Variants in GRM4 observed in about 807,000 individuals in gnomAD.
The protein encoded by GRM4 is metabotropic glutamate receptor 4.
A neutral mutation model predicts 81.7 loss-of-function variants in GRM4; 28 were observed. The observed-to-expected ratio is 0.34, with a 90% CI of 0.25 to 0.47. The LOEUF (loss-of-function observed/expected upper bound fraction) is 0.47. Ranked by LOEUF, GRM4 falls within the 20% of genes least tolerant of loss-of-function variation. The probability of loss-of-function intolerance (pLI) is 1.00; values close to 1 mark genes in which losing one functional copy is unlikely to be tolerated. For synonymous variants in GRM4, 488 were observed against 528.8 expected (o/e 0.92, Z 1.06); for missense variants, 948 against 1,290.0 (o/e 0.73, Z 4.06).
rs2260612 is a variant in GRM4 at position 34,074,781 on chromosome 6, G to A, written c.737-12753C>T. ...GGAAAAATAATAGAAAAGGGAAGCC[G>A]TGGTGTTTGGAGGCAGATGGTGGCA... On this transcript the variant is annotated intron_variant, in intron 3 of 10. Coordinates refer to ENST00000538487, the MANE Select transcript of GRM4 (RefSeq NM_000841.4). This position sits in a 1 kb window ranked among gnomAD's most constrained non-coding sequence, Gnocchi z 4.9. Among the ~76,000 whole-genome samples the A allele has an allele frequency of 0.082, 12,469 of 152,196 alleles. 1,090 individuals are homozygous for A. Among genetic ancestry groups the A allele is most frequent in the African/African-American group, 0.21 (8,722 of 41,456 alleles).
At chr6:34,045,912 T>G (rs1296373284) in intron 6 of GRM4, among the ~76,000 whole-genome samples, 2 of 152,230 alleles carry the variant, frequency 1.3e-5, no homozygotes, top group African/African-American at 4.8e-5. Flanking sequence ...TGCATTTGGC[T>G]CTGCCATGGG....
At chr6:34,037,295 G>A (rs1250375947) in intron 8 of GRM4, among the ~76,000 whole-genome samples, 2 of 152,210 alleles carry the variant, frequency 1.3e-5, no homozygotes, top group Admixed American at 1.3e-4. Flanking sequence ...CACAATGACT[G>A]TGAGCAATAG....
Position 34,036,141 on chromosome 6 carries a change from T to C in GRM4, c.1969A>G (p.Ile657Val), listed in dbSNP as rs746972587. 16 of 1,614,058 alleles carry C rather than the reference T, an allele frequency of 9.9e-6. No individual in the cohort carries two copies. The highest frequency in any genetic ancestry group is 1.7e-6 in the Non-Finnish European group (2 of 1,180,032). ...PDLGTCSLRR[I>V]FLGLGMSISY... ...ATGCTCATCCCTAGTCCCAGGAAGA[T>C]TCGGCGCAGCGAGCAGGTGCCAAGG... Residue 657 changes from isoleucine (I) to valine (V), a missense_variant, in exon 9 of 11, where the codon ATC (isoleucine) becomes GTC (valine). Ile to Val is a conservative substitution (Grantham distance 29). Transcript: ENST00000538487. The surrounding 1 kb of genome is among the most constrained non-coding windows in gnomAD (Gnocchi z 9.0).
chr6:34,072,241 TCA>T (rs1353048505), intron 3 of GRM4, among the ~76,000 whole-genome samples: 86 of 28,896 alleles, frequency 3.0e-3, no homozygotes, highest in African/African-American at 0.012. Context: ...CACACACACA[TCA>T]CACAGATACA....
chr6:34,056,760 G>A (rs768238941), intron 5 of GRM4, 76 bp from the exon 6 acceptor site: 656 of 1,511,736 alleles, frequency 4.3e-4, no homozygotes, highest in South Asian at 6.7e-4. Flanking sequence ...CCTCCCCCAG[G>A]ATAAGAGATG....
chr6:34,095,619 G>T lies in GRM4; in HGVS notation c.520-3520C>A, dbSNP rs529240575. On this transcript the variant is annotated intron_variant, in intron 2 of 10. Transcript: ENST00000538487. ...CTAAGGGTCAGCTCTTAGGGGAGCT[G>T]CCATTCCTCCCGCTAAACCTCCTCT... Among the ~76,000 whole-genome samples the T allele has an allele frequency of 5.8e-4, 89 of 152,318 alleles. 1 individual carries two copies. In the Middle Eastern group the frequency reaches 0.01, roughly 17 times the overall value.
At chr6:34,134,704 C>T (rs1161129918) in intron 1 of GRM4, among the ~76,000 whole-genome samples, 2 of 150,892 alleles carry the variant, frequency 1.3e-5, no homozygotes, top group East Asian at 3.9e-4. Context: ...TTCATCTCTC[C>T]ATCTCTCCAC....
intron 2 of GRM4, among the ~76,000 whole-genome samples, chr6:34,095,675 G>A (rs181648779): frequency 2.7e-3 from 409 of 152,078 alleles, no homozygotes; most frequent in Non-Finnish European, 4.6e-3. Flanking sequence ...GCCTCTCTCT[G>A]ACTTTACCTC....
rs1437966795 is a variant in GRM4, at chr6:34,069,218, G to A, written c.737-7190C>T. Among the ~76,000 whole-genome samples, 3 of 147,298 alleles carry A rather than the reference G, an allele frequency of 2.0e-5. No individual in the cohort carries two copies. The highest frequency in any genetic ancestry group is 7.7e-5 in the African/African-American group (3 of 38,758). On this transcript the variant is annotated intron_variant, in intron 3 of 10. Coordinates refer to ENST00000538487, the MANE Select transcript of GRM4 (RefSeq NM_000841.4). This position sits in a 1 kb window ranked among gnomAD's most constrained non-coding sequence, Gnocchi z 6.4. ...CACACACACACACGCACGCACACAC[G>A]GCTCCTTCCTTCTGACTTCCAAAGC...
intron 9 of GRM4, among the ~76,000 whole-genome samples, chr6:34,029,786 C>T (rs920386128): frequency 1.3e-5 from 2 of 152,176 alleles, no homozygotes; most frequent in Non-Finnish European, 1.5e-5. Flanking sequence ...ATGGGGGACA[C>T]GGGGGCATGA....
At chr6:34,143,839 C>T (rs1770805192) in intron 1 of GRM4, among the ~76,000 whole-genome samples, 1 of 152,204 alleles carries the variant, frequency 6.6e-6, no homozygotes, top group Non-Finnish European at 1.5e-5. Context: ...GGTCTCCCTG[C>T]CTGCCCTAGG....
Position 34,133,685 on chromosome 6 carries a change from C to G in GRM4, c.-189G>C. Reference sequence around the variant, plus strand: ...CACTCGGGCCAAGCACAGTTGCCCGCACAGTCCAGGCCCACAGACAGCAGG... The same window carrying G: ...CACTCGGGCCAAGCACAGTTGCCCGGACAGTCCAGGCCCACAGACAGCAGG... On this transcript the variant is annotated 5_prime_UTR_variant, in exon 2 of 11. Coordinates refer to ENST00000538487, the MANE Select transcript of GRM4 (RefSeq NM_000841.4). The surrounding 1 kb of genome is among the most constrained non-coding windows in gnomAD (Gnocchi z 6.5). 7.1e-7 allele frequency: 1 copy of G among 1,408,290 alleles called. No individual in the cohort carries two copies. Among genetic ancestry groups the G allele is most frequent in the Admixed American group, 3.0e-5 (1 of 32,974 alleles). The allele number at this position is 1,408,290 out of a possible 1,614,324, so 87.2% of individuals were successfully genotyped here.
chr6:34,102,066 T>C, intron 2 of GRM4: 1 of 1,535,654 alleles, frequency 6.5e-7, no homozygotes, highest in Non-Finnish European at 8.7e-7. Flanking sequence ...CTAAGGGTCC[T>C]CTTTTTTCTC....
intron 2 of GRM4, among the ~76,000 whole-genome samples, chr6:34,095,065 T>C (rs966587400): frequency 4.6e-5 from 7 of 152,174 alleles, no homozygotes; most frequent in Non-Finnish European, 1.0e-4. Flanking sequence ...CGGCACACAC[T>C]GCATTCTCCC....
chr6:34,099,466 G>A (rs552395854), intron 2 of GRM4, among the ~76,000 whole-genome samples: 29 of 151,962 alleles, frequency 1.9e-4, no homozygotes, highest in African/African-American at 6.5e-4. Context: ...GGAGACTCAC[G>A]GCATTGGGGA....
chr6:34,126,542 A>T (rs1770028052), intron 2 of GRM4, among the ~76,000 whole-genome samples: 1 of 152,168 alleles, frequency 6.6e-6, no homozygotes, highest in South Asian at 2.1e-4. Context: ...GTCAGTGGGG[A>T]CCTGGAGAAG....
At chr6:34,066,065 G>A (rs577816284) in intron 3 of GRM4, among the ~76,000 whole-genome samples, 2 of 152,076 alleles carry the variant, frequency 1.3e-5, no homozygotes, top group South Asian at 2.1e-4. Flanking sequence ...CTCGGGGCCC[G>A]CCTTTACTAC....
intron 2 of GRM4, chr6:34,103,497 C>T (rs553871134): frequency 6.5e-6 from 7 of 1,082,024 alleles, no homozygotes; most frequent in African/African-American, 1.6e-5. Flanking sequence ...GCGGGGGCGG[C>T]GGGCGAGGGA....
In GRM4 at chr6:34,133,518, A is replaced by C. The variant is rs768239152; in HGVS notation, c.-22T>G. ...GCATCTCGGAAATCCCTAGAGACCC[A>C]TGAACGGCAGGCCCACTCCTAGCCC... On this transcript the variant is annotated 5_prime_UTR_variant, in exon 2 of 11. It removes an upstream start codon present in the reference 5' UTR. Coordinates refer to ENST00000538487, the MANE Select transcript of GRM4 (RefSeq NM_000841.4). The surrounding 1 kb of genome is among the most constrained non-coding windows in gnomAD (Gnocchi z 6.5). The C allele has an allele frequency of 5.2e-6, 8 of 1,531,126 alleles. No individual in the cohort carries two copies. The highest frequency in any genetic ancestry group is 2.4e-4 in the Middle Eastern group (1 of 4,136). 94.8% of individuals were successfully genotyped at this position (1,531,126 alleles called of 1,614,324 possible). A position where few individuals can be genotyped will look rare whatever the true frequency, so the allele number is the denominator to read the frequency against.
Sources: allele counts gnomAD v4.1 joint callset (sites outside exome capture counted in the v4.1 genomes callset), GRCh38; gene constraint gnomAD v4.1.1; non-coding constraint Gnocchi (gnomAD v3.1); transcripts MANE v1.5; gene names NCBI Gene and HGNC (gene_info 2026-07-23, HGNC 2026-07-21).